PCDHGA5: variants seen among roughly 807,000 people sequenced by gnomAD.
PCDHGA5 encodes the protein protocadherin gamma-A5.
In PCDHGA5, 36 loss-of-function variants were observed where a neutral mutation model predicts 56.7. The observed-to-expected ratio is 0.64, with a 90% CI of 0.49 to 0.84. The LOEUF (loss-of-function observed/expected upper bound fraction) is 0.84, where lower values mean the gene tolerates loss of function less well. Among genes scored for constraint, PCDHGA5 ranks in the 40% least tolerant of loss-of-function variants. The probability of loss-of-function intolerance (pLI) is 0.00; values close to 1 mark genes in which losing one functional copy is unlikely to be tolerated. For synonymous variants in PCDHGA5, 563 were observed against 520.2 expected, an observed-to-expected ratio of 1.08 and a Z score of -1.12; for missense variants, 1,305 against 1,201.5, an observed-to-expected ratio of 1.09 and a Z score of -1.27.
At chr5:141,418,341 A>G (rs1407312724) in intron 1 of PCDHGA5, 1 of 1,614,006 alleles carries the variant, frequency 6.2e-7, no homozygotes, top group South Asian at 1.1e-5. Context: ...GAAGATCCTG[A>G]TATTAGTATG....
In PCDHGA5 at chr5:141,366,530, G is replaced by A. The variant is rs1367752989; in HGVS notation, c.2200G>A (p.Gly734Ser). The A allele has an allele frequency of 2.5e-6, 4 of 1,614,230 alleles. No individual in the cohort carries two copies. Among genetic ancestry groups the A allele is most frequent in the African/African-American group, 1.3e-5 (1 of 75,064 alleles). Residue 734 changes from glycine (G) to serine (S), a missense_variant, in exon 1 of 4, where the codon GGT (glycine) becomes AGT (serine). Gly to Ser is a moderately conservative substitution (Grantham distance 56, BLOSUM62 0). Transcript: ENST00000518069. ...TCAGGCTGAAGGCAGCAGGTTGGCG[G>A]GTGTGCCCGCCTCGCACTTTGTGGG... ...LLQAEGSRLA[G>S]VPASHFVGVD...
intron 1 of PCDHGA5, chr5:141,376,150 C>T (rs1411473107): frequency 1.6e-5 from 26 of 1,613,928 alleles, no homozygotes; most frequent in Non-Finnish European, 2.2e-5. Flanking sequence ...ATTCGGACCT[C>T]ACTCTGTACC....
chr5:141,492,037 C>A (rs556842734), intron 1 of PCDHGA5: 94 of 538,798 alleles, frequency 1.7e-4, no homozygotes, highest in Non-Finnish European at 2.5e-4. Flanking sequence ...AGGAGGCAGT[C>A]ACAGATCCAC....
chr5:141,510,307 G>C (rs1250172295), intron 3 of PCDHGA5, among the ~76,000 whole-genome samples: 1 of 151,446 alleles, frequency 6.6e-6, no homozygotes, highest in African/African-American at 2.4e-5. Context: ...TTTTGAAATG[G>C]AGGCTTGGAA....
At chr5:141,383,748 A>T in intron 1 of PCDHGA5, 1 of 1,613,970 alleles carries the variant, frequency 6.2e-7, no homozygotes, top group Non-Finnish European at 8.5e-7. Context: ...CTTTTCGGAA[A>T]ATAACTCCTA....
Position 141,511,319 on chromosome 5 carries a change from C to A in PCDHGA5, c.*146C>A. On this transcript the variant is annotated 3_prime_UTR_variant, in exon 4 of 4. Coordinates refer to ENST00000518069, the MANE Select transcript of PCDHGA5 (RefSeq NM_018918.3). ...CCATGCTCCCCTTGGGAAACAGAAA[C>A]AAGTGCCCAGTCAGCACCTACCCCT... is the stretch of plus-strand genomic sequence containing the variant. 6.8e-7 allele frequency: 1 copy of A among 1,477,420 alleles called. No homozygotes were observed. The highest frequency in any genetic ancestry group is 9.0e-7 in the Non-Finnish European group (1 of 1,108,340). 91.5% of individuals were successfully genotyped at this position (1,477,420 alleles called of 1,614,324 possible).
At chr5:141,505,336 G>A in intron 2 of PCDHGA5, 57 bp from the exon 3 acceptor site, 2 of 1,611,374 alleles carry the variant, frequency 1.2e-6, no homozygotes, top group South Asian at 1.1e-5. Flanking sequence ...GAGGACAGGA[G>A]GGGCATGAGC....
chr5:141,457,972 A>AC (rs1198043621), intron 1 of PCDHGA5, among the ~76,000 whole-genome samples: 4 of 152,218 alleles, frequency 2.6e-5, no homozygotes, highest in African/African-American at 9.6e-5. Flanking sequence ...TTAAAGGGAA[A>AC]CACACCCTTT....
intron 1 of PCDHGA5, chr5:141,427,922 G>A: frequency 6.3e-7 from 1 of 1,580,742 alleles, no homozygotes; most frequent in Non-Finnish European, 8.6e-7. Flanking sequence ...ACATGAGCCG[G>A]CGCATGTTGG....
At position 141,431,338 on chromosome 5, in the gene PCDHGA5, A is replaced by G; in HGVS notation, c.2422-63469A>G. On this transcript the variant is annotated intron_variant, in intron 1 of 3. Transcript: ENST00000518069. This position sits in a 1 kb window ranked among gnomAD's most constrained non-coding sequence, Gnocchi z 4.8. ...GAGCCGACGGTAGTAAGTACCCCGA[A>G]TTGGTGCTGAAACGCGCCCTGGACC... 1 of 1,614,068 alleles carries G rather than the reference A, an allele frequency of 6.2e-7. No homozygotes were observed. The highest frequency in any genetic ancestry group is 8.5e-7 in the Non-Finnish European group (1 of 1,180,032).
At chr5:141,423,694 T>A in intron 1 of PCDHGA5, 1 of 1,501,554 alleles carries the variant, frequency 6.7e-7, no homozygotes, top group Non-Finnish European at 8.9e-7. Context: ...TAATTGTTGG[T>A]GTCTTGGCAC....
intron 1 of PCDHGA5, chr5:141,408,972 CT>C (rs1404896464): frequency 6.2e-7 from 1 of 1,613,870 alleles, no homozygotes; most frequent in Middle Eastern, 1.6e-4. Flanking sequence ...AATCTGCCCC[CT>C]GGGTCCCCTG....
intron 2 of PCDHGA5, among the ~76,000 whole-genome samples, chr5:141,500,112 C>G (rs2099796438): frequency 6.8e-6 from 1 of 147,138 alleles, no homozygotes; most frequent in Non-Finnish European, 1.5e-5. Context: ...TGTTGAATCC[C>G]TGCCTTTTCA....
chr5:141,395,182 C>A (rs143509166), intron 1 of PCDHGA5: 1 of 1,614,114 alleles, frequency 6.2e-7, no homozygotes, highest in South Asian at 1.1e-5. Context: ...AAAAATGATT[C>A]TTTGTTAACA....
intron 1 of PCDHGA5, chr5:141,393,169 T>A: frequency 6.2e-7 from 1 of 1,613,090 alleles, no homozygotes; most frequent in African/African-American, 1.3e-5. Context: ...CTCTTTGGGG[T>A]AGAAATAGAA....
intron 1 of PCDHGA5, chr5:141,423,721 T>C (rs2096769391): frequency 8.3e-7 from 1 of 1,208,140 alleles, no homozygotes; most frequent in East Asian, 3.8e-5. Flanking sequence ...TTTAAGGAGA[T>C]GTTTTTTGAG....
intron 1 of PCDHGA5, chr5:141,372,158 G>A (rs1466586208): frequency 6.2e-7 from 1 of 1,613,800 alleles, no homozygotes; most frequent in South Asian, 1.1e-5. Flanking sequence ...GCTACCTGGT[G>A]ACCAAGGTGG....
Position 141,490,121 on chromosome 5 carries a change from G to A in PCDHGA5, c.2422-4686G>A. On this transcript the variant is annotated intron_variant, in intron 1 of 3. Coordinates refer to ENST00000518069, the MANE Select transcript of PCDHGA5 (RefSeq NM_018918.3). The surrounding 1 kb of genome is among the most constrained non-coding windows in gnomAD (Gnocchi z 5.4). Reference sequence around the variant, plus strand: ...TCTGAGGCAGTGCGGAACCTCTTTGGCCTAGACCCTAGCAGTGGGGCAATC... The same window carrying A: ...TCTGAGGCAGTGCGGAACCTCTTTGACCTAGACCCTAGCAGTGGGGCAATC... 1 of 1,614,256 alleles carries A rather than the reference G, an allele frequency of 6.2e-7. No individual in the cohort carries two copies. Among genetic ancestry groups the A allele is most frequent in the Non-Finnish European group, 8.5e-7 (1 of 1,180,052 alleles).
In PCDHGA5 at chr5:141,400,210, A is replaced by C. The variant is rs201102949; in HGVS notation, c.2421+33459A>C. 1.2e-3 allele frequency: 1,976 copies of C among 1,613,732 alleles called. 4 individuals are homozygous for C. The highest frequency in any genetic ancestry group is 1.6e-3 in the Non-Finnish European group (1,832 of 1,179,862). ...TTACCTAGTGGTGGCCTTGGCCTTG[A>C]TCTCAGTGCTCTTCCTCCTGGCCGT... On this transcript the variant is annotated intron_variant, in intron 1 of 3. Coordinates refer to ENST00000518069, the MANE Select transcript of PCDHGA5 (RefSeq NM_018918.3).
Sources: allele counts gnomAD v4.1 joint callset (sites outside exome capture counted in the v4.1 genomes callset), GRCh38; gene constraint gnomAD v4.1.1; non-coding constraint Gnocchi (gnomAD v3.1); transcripts MANE v1.5; gene names NCBI Gene and HGNC (gene_info 2026-07-23, HGNC 2026-07-21).